Variants in ARID1B observed in about 807,000 individuals in gnomAD.
ARID1B encodes the protein AT-rich interaction domain 1B, also known as AT-rich interactive domain-containing protein 1B.
In ARID1B, 30 loss-of-function variants were observed where a neutral mutation model predicts 212.3. That is an observed-to-expected ratio of 0.14 (90% CI 0.11 to 0.19). The LOEUF (loss-of-function observed/expected upper bound fraction) is 0.19. ARID1B is among the 10% of genes least tolerant of loss of function. The pLI is 1.00. For missense variants in ARID1B, 2,891 were observed against 3,204.0 expected (o/e 0.90, Z 2.36); for synonymous variants, 1,402 against 1,301.7 (o/e 1.08, Z -1.66).
At chr6:156,932,013 T>A in intron 3 of ARID1B, among the ~76,000 whole-genome samples, 1 of 143,482 alleles carries the variant, frequency 7.0e-6, no homozygotes, top group Admixed American at 7.0e-5. Context: ...TATGTGCCTG[T>A]AGTCCTAGCT....
At chr6:156,908,081 A>G (rs1789555195) in intron 3 of ARID1B, among the ~76,000 whole-genome samples, 1 of 152,058 alleles carries the variant, frequency 6.6e-6, no homozygotes, top group Non-Finnish European at 1.5e-5. Flanking sequence ...CTTTTTTAGT[A>G]GAGATGTTGA....
chr6:156,922,629 C>G (rs967975326), intron 3 of ARID1B, among the ~76,000 whole-genome samples: 1 of 152,200 alleles, frequency 6.6e-6, no homozygotes, highest in African/African-American at 2.4e-5. Flanking sequence ...TTATTTGCAG[C>G]TAATCTGGTT....
intron 3 of ARID1B, among the ~76,000 whole-genome samples, chr6:156,933,101 C>T (rs1424448772): frequency 2.6e-5 from 4 of 152,108 alleles, no homozygotes; most frequent in Non-Finnish European, 4.4e-5. Context: ...AAATGTTTAT[C>T]CACTATAGTT....
chr6:156,813,933 G>A (rs1191250924), intron 1 of ARID1B, among the ~76,000 whole-genome samples: 3 of 152,266 alleles, frequency 2.0e-5, no homozygotes, highest in East Asian at 1.9e-4. Context: ...GGATGTGTGC[G>A]CTGGTCAGAC....
chr6:157,147,778 G>A (rs552980200), intron 7 of ARID1B, among the ~76,000 whole-genome samples: 22 of 47,090 alleles, frequency 4.7e-4, no homozygotes, highest in African/African-American at 1.9e-3. Flanking sequence ...TCCGCCTCCG[G>A]CCCTGCCCTC....
At chr6:156,812,871 G>A (rs1241195430) in intron 1 of ARID1B, among the ~76,000 whole-genome samples, 1 of 120,328 alleles carries the variant, frequency 8.3e-6, no homozygotes, top group Non-Finnish European at 1.7e-5. Context: ...CATGTGGTAT[G>A]TTATAAAAAA....
chr6:157,169,630 T>C (rs1456463289), intron 9 of ARID1B: 2 of 152,240 alleles, frequency 1.3e-5, no homozygotes, highest in African/African-American at 4.8e-5. Flanking sequence ...ACAATACATG[T>C]GTGATTGGTT....
In ARID1B at chr6:157,199,476, C is replaced by T. The variant is rs1032053148; in HGVS notation, c.4479+569C>T. Among the ~76,000 whole-genome samples the T allele has an allele frequency of 2.6e-5, 4 of 151,904 alleles. No homozygotes were observed. The East Asian group carries it at 7.7e-4, about 29-fold the overall frequency. ...CAGTGACCAGTGCCGCTGCAGGAAC[C>T]GCCCTTCGTGGTGTGGCTTTCCAGA... On this transcript the variant is annotated intron_variant, in intron 17 of 19. Transcript: ENST00000636930.
chr6:156,822,968 A>G (rs964925028), intron 1 of ARID1B, among the ~76,000 whole-genome samples: 9 of 152,224 alleles, frequency 5.9e-5, no homozygotes, highest in South Asian at 2.1e-4. Flanking sequence ...ATTTTGAGCT[A>G]TATTTAGACA....
At chr6:156,829,959 A>G (rs1055875254) in intron 2 of ARID1B, among the ~76,000 whole-genome samples, 1 of 151,970 alleles carries the variant, frequency 6.6e-6, no homozygotes, top group Admixed American at 6.6e-5. Flanking sequence ...TTTGATGTGC[A>G]TCTGTTTTGT....
At chr6:156,794,405 A>G (rs1316886356) in intron 1 of ARID1B, among the ~76,000 whole-genome samples, 1 of 151,692 alleles carries the variant, frequency 6.6e-6, no homozygotes, top group Non-Finnish European at 1.5e-5. Context: ...GCATGCTACA[A>G]TGCCCAGCTA....
chr6:157,062,474 C>A (rs1783402133), intron 4 of ARID1B, among the ~76,000 whole-genome samples: 1 of 151,984 alleles, frequency 6.6e-6, no homozygotes, highest in Non-Finnish European at 1.5e-5. Flanking sequence ...GTTGGGATTA[C>A]AAGTGTGAGC....
chr6:156,953,197 A>G (rs1227733856), intron 4 of ARID1B, among the ~76,000 whole-genome samples: 2 of 152,128 alleles, frequency 1.3e-5, no homozygotes, highest in Non-Finnish European at 2.9e-5. Context: ...TTGGGGTTAG[A>G]TTGGGTGGTT....
chr6:157,040,190 G>T (rs1045559936), intron 4 of ARID1B, among the ~76,000 whole-genome samples: 1 of 152,068 alleles, frequency 6.6e-6, no homozygotes, highest in Non-Finnish European at 1.5e-5. Context: ...TGCCCGCCTC[G>T]GCCTCCCAAA....
At chr6:156,852,032 T>C (rs1326803992) in intron 2 of ARID1B, among the ~76,000 whole-genome samples, 2 of 152,228 alleles carry the variant, frequency 1.3e-5, no homozygotes, top group Non-Finnish European at 2.9e-5. Context: ...GGTAAAGTTA[T>C]ATTTCTATTC....
Position 157,207,535 on chromosome 6 carries a change from A to G in ARID1B, c.6763A>G (p.Met2255Val), listed in dbSNP as rs563193596. The change falls in exon 20 of 20, where the codon ATG becomes GTG. Residue 2255 changes from methionine (M) to valine (V), a missense_variant. By Grantham distance (21) the Met-to-Val change is conservative. Around this residue, in one of 7 missense-constraint regions of ARID1B, gnomAD observed 187 missense variants for 306.5 expected, o/e 0.61. Transcript: ENST00000636930. This position sits in a 1 kb window ranked among gnomAD's most constrained non-coding sequence, Gnocchi z 8.5. ...AAACCCAGTCTGTCGAGAAATGTCC[A>G]TGGCGCTTTTATCGAACCTTGCCCA... ...RKNPVCREMS[M>V]ALLSNLAQGD... 7.4e-6 allele frequency: 12 copies of G among 1,614,178 alleles called. No individual in the cohort carries two copies. In the East Asian group the frequency reaches 2.0e-4, roughly 27 times the overall value.
At chr6:157,062,389 G>A (rs1783398342) in intron 4 of ARID1B, among the ~76,000 whole-genome samples, 1 of 151,498 alleles carries the variant, frequency 6.6e-6, no homozygotes, top group Admixed American at 6.6e-5. Context: ...GTAGAGACGG[G>A]GTCTCACTGC....
intron 8 of ARID1B, chr6:157,149,313 G>A (rs36006951): frequency 0.028 from 6,272 of 221,892 alleles, 135 homozygotes; most frequent in Non-Finnish European, 0.041. Context: ...GCTTAGGAAC[G>A]ATTTAAAATC....
chr6:157,144,688 G>C (rs1331236781), intron 7 of ARID1B, among the ~76,000 whole-genome samples: 1 of 152,098 alleles, frequency 6.6e-6, no homozygotes, highest in Non-Finnish European at 1.5e-5. Context: ...GAAGAGGAAG[G>C]GCCCAGCAGC....
Sources: gnomAD v4.1 joint callset for allele counts (sites outside exome capture counted in the v4.1 genomes callset) on GRCh38, gnomAD v4.1.1 for gene constraint, gnomAD v4.1.1 regional missense constraint, Gnocchi (gnomAD v3.1) non-coding constraint, MANE v1.5 for transcripts, NCBI Gene and HGNC (gene_info 2026-07-23, HGNC 2026-07-21) for gene names.